Variants in FBXO17 observed in about 807,000 individuals in gnomAD.
The protein encoded by FBXO17 is F-box protein 17.
In FBXO17, 43 loss-of-function variants were observed where a neutral mutation model predicts 34.1. The ratio of observed to expected loss-of-function variants is 1.26; its 90% CI spans 0.99 to 1.62. The LOEUF is 1.62. FBXO17 is among the 40% of genes most tolerant of loss of function. The pLI, the probability that FBXO17 is intolerant of heterozygous loss-of-function variation, is 0.00. For synonymous variants in FBXO17, 169 were observed against 166.0 expected (o/e 1.02, Z -0.14); for missense variants, 424 against 386.7 (o/e 1.10, Z -0.81).
intron 4 of FBXO17, 126 bp from the exon 5 acceptor site, chr19:38,945,230 G>T: frequency 1.5e-6 from 2 of 1,293,102 alleles, no homozygotes; most frequent in South Asian, 2.8e-5. Context: ...ATTTGGAGAC[G>T]TCCTGGCCTG....
At chr19:38,956,764 C>T (rs1047171379) in intron 1 of FBXO17, among the ~76,000 whole-genome samples, 30 of 151,962 alleles carry the variant, frequency 2.0e-4, no homozygotes, top group African/African-American at 6.8e-4. Flanking sequence ...CCTGTAATCC[C>T]AGCTACTCAG....
At chr19:38,963,297 C>CCTTTTTTTT (rs397977753) in intron 1 of FBXO17, among the ~76,000 whole-genome samples, 1 of 75,892 alleles carries the variant, frequency 1.3e-5, no homozygotes. Context: ...TTCACTCATA[C>CCTTTTTTTT]TTTTTTTTTT....
Position 38,948,747 on chromosome 19 carries a change from C to T in FBXO17, c.350-69G>A, listed in dbSNP as rs1439129538. ...TGCCCAGAAGAGACCCCGCAACCAGCCAGCTTGTGCTGTCCACCAGCCTCT... is the reference window on the plus strand; with the variant it reads ...TGCCCAGAAGAGACCCCGCAACCAGTCAGCTTGTGCTGTCCACCAGCCTCT... On this transcript the variant is annotated intron_variant, in intron 2 of 5. Coordinates refer to ENST00000292852, the MANE Select transcript of FBXO17 (RefSeq NM_024907.7). The T allele has an allele frequency of 3.7e-6, 5 of 1,364,828 alleles. No individual in the cohort carries two copies. The South Asian group carries it at 3.7e-5, about 10-fold the overall frequency. 84.5% of individuals were successfully genotyped at this position (1,364,828 alleles called of 1,614,324 possible).
intron 1 of FBXO17, chr19:38,952,719 T>A (rs937060132): frequency 2.0e-6 from 1 of 500,122 alleles, no homozygotes; most frequent in Non-Finnish European, 4.0e-6. Flanking sequence ...CCCCAACCTC[T>A]CTGTTCCCTG....
At position 38,950,245 on chromosome 19, in the gene FBXO17, C is replaced by T; in HGVS notation, c.75G>A (p.Leu25=). The T allele has an allele frequency of 6.6e-7, 1 of 1,525,410 alleles. No individual in the cohort carries two copies. The highest frequency in any genetic ancestry group is 8.7e-7 in the Non-Finnish European group (1 of 1,144,120). The allele number at this position is 1,525,410 out of a possible 1,614,324, so 94.5% of individuals were successfully genotyped here. A position where few individuals can be genotyped will look rare whatever the true frequency, so the allele number is the denominator to read the frequency against. Residue 25 remains leucine, a synonymous_variant, in exon 2 of 6, where the codon CTG becomes CTA. Transcript: ENST00000292852. ...SLALDALPPE[L]LVQVLSHVPP... is the part of the protein sequence containing the mutation. ...GCACGTGGCTCAGCACCTGCACCAGCAGCTCCGGGGGCAGCGCGTCCAGGG... is the reference window on the plus strand; with the variant it reads ...GCACGTGGCTCAGCACCTGCACCAGTAGCTCCGGGGGCAGCGCGTCCAGGG...
chr19:38,945,095 A>G lies in FBXO17; in HGVS notation c.567T>C (p.Ala189=). ...GGTAGACGCAGCCGCAGTTCTCTCG[A>G]GCGCCCCACCTGCCAGGCAGCAGTC... ...IEICVADWWG[A]RENCGCVYQL... Residue 189 remains alanine, a synonymous_variant, in exon 5 of 6, where the codon GCT becomes GCC. Coordinates refer to ENST00000292852, the MANE Select transcript of FBXO17 (RefSeq NM_024907.7). 2 of 1,614,122 alleles carry G rather than the reference A, an allele frequency of 1.2e-6. No individual in the cohort carries two copies. The highest frequency in any genetic ancestry group is 1.7e-6 in the Non-Finnish European group (2 of 1,180,038).
intron 4 of FBXO17, chr19:38,946,154 C>A: frequency 2.4e-6 from 1 of 416,140 alleles, no homozygotes; most frequent in East Asian, 4.7e-5. Context: ...GCTCCCACCC[C>A]TTCAGAGACC....
At chr19:38,952,358 T>C (rs1975097732) in intron 1 of FBXO17, among the ~76,000 whole-genome samples, 1 of 152,214 alleles carries the variant, frequency 6.6e-6, no homozygotes, top group Admixed American at 6.5e-5. Context: ...GTGTGCCAGC[T>C]ACTGTGACCT....
intron 3 of FBXO17, chr19:38,947,059 G>T: frequency 6.3e-6 from 1 of 158,214 alleles, no homozygotes; most frequent in Non-Finnish European, 1.4e-5. Context: ...TGTCCCCCAA[G>T]GAAAAAGCAA....
intron 1 of FBXO17, among the ~76,000 whole-genome samples, chr19:38,971,526 G>A (rs1286486608): frequency 6.6e-6 from 1 of 152,046 alleles, no homozygotes; most frequent in Non-Finnish European, 1.5e-5. Flanking sequence ...GCTCACGCTT[G>A]TAATCCCAGC....
Position 38,962,013 on chromosome 19 carries a change from T to C in FBXO17, c.-17-11677A>G, listed in dbSNP as rs545440615. On this transcript the variant is annotated intron_variant, in intron 1 of 5. Transcript: ENST00000292852. The stretch of plus-strand genomic sequence containing the variant: ...TTTCTTTTCTATAATTTCACGTAAA[T>C]GGAATCATATAGAGTGTCGGCTATC... Among the ~76,000 whole-genome samples the C allele has an allele frequency of 2.7e-5, 4 of 150,268 alleles. No individual in the cohort carries two copies. The South Asian group carries it at 8.4e-4, about 31-fold the overall frequency.
chr19:38,971,106 A>C (rs1000671040), intron 1 of FBXO17, among the ~76,000 whole-genome samples: 1 of 151,562 alleles, frequency 6.6e-6, no homozygotes, highest in Non-Finnish European at 1.5e-5. Flanking sequence ...TCAAAAAAAA[A>C]AAAAAAAAAT....
At chr19:38,962,497 C>T (rs2144835676) in intron 1 of FBXO17, among the ~76,000 whole-genome samples, 1 of 152,230 alleles carries the variant, frequency 6.6e-6, no homozygotes, top group East Asian at 1.9e-4. Flanking sequence ...GAGACACTTC[C>T]CTGTCAGCTG....
chr19:38,943,634 G>A (rs1392383519), intron 5 of FBXO17, among the ~76,000 whole-genome samples: 1 of 151,956 alleles, frequency 6.6e-6, no homozygotes, highest in East Asian at 1.9e-4. Flanking sequence ...CCATCGCCCA[G>A]GCTGGAGTGC....
chr19:38,953,390 C>T (rs1479877900), intron 1 of FBXO17, among the ~76,000 whole-genome samples: 2 of 151,668 alleles, frequency 1.3e-5, no homozygotes, highest in Admixed American at 1.3e-4. Context: ...GGGCTGGGCA[C>T]GGTAGCTCAC....
At chr19:38,963,852 C>T (rs146470191) in intron 1 of FBXO17, among the ~76,000 whole-genome samples, 1,911 of 151,536 alleles carry the variant, frequency 0.013, 28 homozygotes, top group Middle Eastern at 0.021. Flanking sequence ...GGTGCAATCT[C>T]GGCTCACTGC....
rs746181933 is a variant in FBXO17 at position 38,946,571 on chromosome 19, G to C, written c.462-4C>G. ...AAGCTGCCTCTTGGAGCACCATCTG[G>C]GAAGGAGAGATGGCAGGGGGCAGGG... is the stretch of plus-strand genomic sequence containing the variant. On this transcript the variant is annotated splice_region_variant and splice_polypyrimidine_tract_variant and intron_variant, in intron 3 of 5. Transcript: ENST00000292852. 13 of 1,613,934 alleles carry C rather than the reference G, an allele frequency of 8.1e-6. No homozygotes were observed. The highest frequency in any genetic ancestry group is 1.1e-5 in the Non-Finnish European group (13 of 1,179,898).
intron 1 of FBXO17, among the ~76,000 whole-genome samples, chr19:38,961,866 T>C (rs1975254751): frequency 6.6e-6 from 1 of 151,950 alleles, no homozygotes; most frequent in South Asian, 2.1e-4. Flanking sequence ...TTTCACCATG[T>C]TGGCCAGGCT....
chr19:38,970,215 A>AT (rs1251763535), intron 1 of FBXO17, among the ~76,000 whole-genome samples: 3 of 151,136 alleles, frequency 2.0e-5, no homozygotes, highest in East Asian at 3.9e-4. Context: ...AAAAAAAAAA[A>AT]ATTTTTTTTT....
Sources: gnomAD v4.1 joint callset for allele counts (sites outside exome capture counted in the v4.1 genomes callset) on GRCh38, gnomAD v4.1.1 for gene constraint, MANE v1.5 for transcripts, NCBI Gene and HGNC (gene_info 2026-07-23, HGNC 2026-07-21) for gene names.